CSGALNACT1: variants seen among roughly 807,000 people sequenced by gnomAD.
CSGALNACT1 encodes the protein beta4GalNAcT-1.
Under a neutral mutation model 51.0 loss-of-function variants are expected in CSGALNACT1, and 52 were observed. The ratio of observed to expected loss-of-function variants is 1.02; its 90% CI spans 0.82 to 1.29. The LOEUF is 1.29. CSGALNACT1 is among the 50% of genes most tolerant of loss of function. The pLI is 0.00. For synonymous variants in CSGALNACT1, 341 were observed against 254.4 expected, an observed-to-expected ratio of 1.34 and a Z score of -3.24; for missense variants, 935 against 679.2, an observed-to-expected ratio of 1.38 and a Z score of -4.19.
chr8:19,644,821 C>T lies in CSGALNACT1; in HGVS notation c.-544+37652G>A, dbSNP rs536875109. On this transcript the variant is annotated intron_variant, in intron 1 of 9. Transcript: ENST00000332246. Reference sequence around the variant, plus strand: ...ACTAAAAATGACCTCAGGTACCTAACCTAAGATCTTGTACTGCAGATACAA... The same window carrying T: ...ACTAAAAATGACCTCAGGTACCTAATCTAAGATCTTGTACTGCAGATACAA... Among the ~76,000 whole-genome samples the T allele has an allele frequency of 4.6e-5, 7 of 151,184 alleles. No homozygotes were observed. In the South Asian group the frequency reaches 1.5e-3, roughly 32 times the overall value.
upstream of CSGALNACT1, among the ~76,000 whole-genome samples, chr8:19,603,265 T>A (rs1306365543): frequency 6.6e-6 from 1 of 152,324 alleles, no homozygotes; most frequent in Middle Eastern, 3.4e-3. Flanking sequence ...AAAGGTTTTC[T>A]CTGACTCACT....
At chr8:19,416,929 C>T (rs1414086946) in intron 8 of CSGALNACT1, among the ~76,000 whole-genome samples, 2 of 151,820 alleles carry the variant, frequency 1.3e-5, no homozygotes, top group Non-Finnish European at 2.9e-5. Flanking sequence ...GTGGTGCGAT[C>T]TCAGCTCACT....
intron 4 of CSGALNACT1, among the ~76,000 whole-genome samples, chr8:19,483,650 T>C (rs2072072885): frequency 6.6e-6 from 1 of 152,196 alleles, no homozygotes; most frequent in African/African-American, 2.4e-5. Context: ...ACATGCCCCA[T>C]ACAACAATTA....
intron 4 of CSGALNACT1, among the ~76,000 whole-genome samples, chr8:19,464,983 G>A (rs531259642): frequency 2.5e-4 from 38 of 151,974 alleles, no homozygotes; most frequent in African/African-American, 8.9e-4. Flanking sequence ...GCAATTCTAT[G>A]TATTTCTAGG....
intron 1 of CSGALNACT1, among the ~76,000 whole-genome samples, chr8:19,666,894 G>C (rs114134641): frequency 1.9e-5 from 2 of 105,276 alleles, no homozygotes; most frequent in African/African-American, 7.5e-5. Context: ...AGAGAGAGAG[G>C]AAGTGAGGAA....
intron 1 of CSGALNACT1, among the ~76,000 whole-genome samples, chr8:19,653,739 G>A (rs981529398): frequency 2.2e-4 from 33 of 151,886 alleles, no homozygotes; most frequent in East Asian, 9.7e-4. Context: ...GGCTACAATC[G>A]GTGAACCGTG....
At chr8:19,461,771 T>TTCACCATGGAGGGCATATCC (rs2065524286) in intron 4 of CSGALNACT1, among the ~76,000 whole-genome samples, 3 of 42,956 alleles carry the variant, frequency 7.0e-5, no homozygotes, top group Admixed American at 2.9e-4. Flanking sequence ...AGGGCGTATC[T>TTCACCATGGAGGGCATATCC]GCACAGCAGC....
intron 1 of CSGALNACT1, among the ~76,000 whole-genome samples, chr8:19,716,429 C>T (rs1472800754): frequency 6.6e-6 from 1 of 151,706 alleles, no homozygotes; most frequent in African/African-American, 2.4e-5. Flanking sequence ...TTTATCTCAA[C>T]CAAAACCATT....
At chr8:19,655,929 G>A (rs572948772) in intron 1 of CSGALNACT1, among the ~76,000 whole-genome samples, 1 of 152,270 alleles carries the variant, frequency 6.6e-6, no homozygotes, top group Non-Finnish European at 1.5e-5. Context: ...CTAATTGAAA[G>A]GAGGGGACCA....
At chr8:19,502,904 G>C (rs1179817389) in intron 4 of CSGALNACT1, among the ~76,000 whole-genome samples, 1 of 152,100 alleles carries the variant, frequency 6.6e-6, no homozygotes. Flanking sequence ...TAACCACCTG[G>C]TCAAATGGTC....
chr8:19,564,718 C>T lies in CSGALNACT1; in HGVS notation c.-297+26442G>A, dbSNP rs139347018. Among the ~76,000 whole-genome samples the T allele has an allele frequency of 4.5e-3, 688 of 152,328 alleles. 4 individuals carry two copies. The highest frequency in any genetic ancestry group is 0.015 in the African/African-American group (636 of 41,564). On this transcript the variant is annotated intron_variant, in intron 3 of 9. Transcript: ENST00000454498. Reference sequence around the variant, plus strand: ...CTTCTTGGATCATCCAATCGAAAGACGCCCTTGCTCACTCTGTAGCACATT... The same window carrying T: ...CTTCTTGGATCATCCAATCGAAAGATGCCCTTGCTCACTCTGTAGCACATT...
intron 3 of CSGALNACT1, among the ~76,000 whole-genome samples, chr8:19,526,375 G>A (rs555958735): frequency 3.3e-5 from 5 of 152,306 alleles, no homozygotes; most frequent in Admixed American, 2.6e-4. Flanking sequence ...ACAAGGTGAA[G>A]AGAATGAGAC....
At chr8:19,576,028 C>G (rs1025982882) in intron 3 of CSGALNACT1, among the ~76,000 whole-genome samples, 1 of 152,064 alleles carries the variant, frequency 6.6e-6, no homozygotes, top group Non-Finnish European at 1.5e-5. Context: ...ATGGCTCAGA[C>G]AGGAAGAGGT....
At position 19,570,902 on chromosome 8, in the gene CSGALNACT1, A is replaced by T. The variant is rs137985302; in HGVS notation, c.-297+20258T>A. Among the ~76,000 whole-genome samples the T allele has an allele frequency of 1.6e-4, 24 of 152,274 alleles. No individual in the cohort carries two copies. In the East Asian group the frequency reaches 4.2e-3, roughly 27 times the overall value. ...CAGCCAGCCTGGGCAATGGAGCAAG[A>T]CTCCATCTCAAAAAACAAACAAACA... is the stretch of plus-strand genomic sequence containing the variant. On this transcript the variant is annotated intron_variant, in intron 3 of 9. Coordinates refer to ENST00000454498, the Ensembl canonical transcript of CSGALNACT1.
At chr8:19,508,240 T>G (rs555084958) in intron 3 of CSGALNACT1, among the ~76,000 whole-genome samples, 1 of 152,360 alleles carries the variant, frequency 6.6e-6, no homozygotes, top group South Asian at 2.1e-4. Flanking sequence ...TACTTGAATA[T>G]TCACTTGCTA....
chr8:19,444,367 T>A (rs931014511), intron 5 of CSGALNACT1, among the ~76,000 whole-genome samples: 1 of 152,248 alleles, frequency 6.6e-6, no homozygotes, highest in African/African-American at 2.4e-5. Flanking sequence ...GTTTTGTTTT[T>A]TGGAATATTT....
exon 10 of CSGALNACT1, chr8:19,404,546 G>A (rs1406506023): frequency 6.6e-6 from 3 of 452,922 alleles, no homozygotes; most frequent in Non-Finnish European, 1.3e-5. Flanking sequence ...GGCCTGGGGT[G>A]GATAACATGT....
upstream of CSGALNACT1, chr8:19,683,065 C>A (rs775526071): frequency 1.3e-5 from 3 of 239,520 alleles, no homozygotes; most frequent in African/African-American, 4.4e-5. Flanking sequence ...ACAGGATGGA[C>A]GGGAACAGAT....
chr8:19,635,476 C>T (rs1397651165), intron 1 of CSGALNACT1, among the ~76,000 whole-genome samples: 1 of 152,174 alleles, frequency 6.6e-6, no homozygotes, highest in Non-Finnish European at 1.5e-5. Flanking sequence ...ATACATGTGG[C>T]ATCTGTTAGT....
Sources: allele counts gnomAD v4.1 joint callset (sites outside exome capture counted in the v4.1 genomes callset), GRCh38; gene constraint gnomAD v4.1.1; transcripts MANE v1.5; gene names NCBI Gene and HGNC (gene_info 2026-07-23, HGNC 2026-07-21).